The following GLI2 variants were observed in gnomAD, a reference collection of about 807,000 sequenced individuals.
GLI2 encodes the protein GLI family zinc finger 2.
Under a neutral mutation model 78.9 loss-of-function variants are expected in GLI2, and 22 were observed. That is an observed-to-expected ratio of 0.28 (90% CI 0.20 to 0.40). The LOEUF is 0.40. Ranked by LOEUF, GLI2 falls within the 10% of genes least tolerant of loss-of-function variation. GLI2 has a pLI of 1.00. For synonymous variants in GLI2, 974 were observed against 963.7 expected, an observed-to-expected ratio of 1.01 and a Z score of -0.20; for missense variants, 2,097 against 2,213.2, an observed-to-expected ratio of 0.95 and a Z score of 1.05.
At chr2:120,973,438 G>A (rs1349117851) in intron 8 of GLI2, among the ~76,000 whole-genome samples, 1 of 152,228 alleles carries the variant, frequency 6.6e-6, no homozygotes, top group Non-Finnish European at 1.5e-5. Context: ...TGCCCAGCCT[G>A]GCTCTGCGCA....
At chr2:120,982,096 C>G (rs912529404) in intron 10 of GLI2, among the ~76,000 whole-genome samples, 12 of 152,070 alleles carry the variant, frequency 7.9e-5, no homozygotes, top group Admixed American at 6.6e-4. Context: ...GAGGGAGGGA[C>G]CTGGGCCAGG....
intron 2 of GLI2, among the ~76,000 whole-genome samples, chr2:120,826,651 G>A (rs1324744194): frequency 2.0e-5 from 3 of 152,216 alleles, no homozygotes; most frequent in Non-Finnish European, 4.4e-5. Flanking sequence ...ACAGATTAGG[G>A]ACCTGAGTTT....
intron 3 of GLI2, among the ~76,000 whole-genome samples, chr2:120,929,014 C>T (rs955776611): frequency 5.3e-5 from 8 of 152,150 alleles, no homozygotes; most frequent in Non-Finnish European, 1.2e-4. Flanking sequence ...ACTCCTTCGT[C>T]ATCTCCTGTC....
intron 1 of GLI2, among the ~76,000 whole-genome samples, chr2:120,754,581 C>T (rs958985874): frequency 2.0e-5 from 3 of 152,156 alleles, no homozygotes; most frequent in Admixed American, 1.3e-4. Flanking sequence ...ATCCATGTTG[C>T]TGCACGTATC....
At chr2:120,785,062 C>T (rs1321343498) in intron 1 of GLI2, among the ~76,000 whole-genome samples, 1 of 152,226 alleles carries the variant, frequency 6.6e-6, no homozygotes, top group Admixed American at 6.5e-5. Context: ...TGGTCAAACC[C>T]TCCTGGCCTC....
chr2:120,787,501 G>A (rs1573377822), intron 1 of GLI2, among the ~76,000 whole-genome samples: 1 of 152,154 alleles, frequency 6.6e-6, no homozygotes, highest in South Asian at 2.1e-4. Flanking sequence ...CCAGGCTACT[G>A]GGGTCTGTTT....
At chr2:120,833,601 G>A (rs896722804) in intron 2 of GLI2, among the ~76,000 whole-genome samples, 1 of 152,118 alleles carries the variant, frequency 6.6e-6, no homozygotes, top group Non-Finnish European at 1.5e-5. Context: ...CCCCTCAAAT[G>A]TGCAGCTACC....
At chr2:120,820,855 C>T (rs1011078828) in intron 2 of GLI2, among the ~76,000 whole-genome samples, 1 of 152,156 alleles carries the variant, frequency 6.6e-6, no homozygotes, top group African/African-American at 2.4e-5. Context: ...TTTCTCTATG[C>T]CACTTGGGGT....
chr2:120,790,816 T>G (rs1215359197), intron 1 of GLI2, among the ~76,000 whole-genome samples: 2 of 152,136 alleles, frequency 1.3e-5, no homozygotes, highest in Admixed American at 6.5e-5. Context: ...TGGTGCTGCC[T>G]AGGCCTCAGA....
chr2:120,842,648 A>G (rs17005295), intron 2 of GLI2, among the ~76,000 whole-genome samples: 33,575 of 152,224 alleles, frequency 0.22, 4,618 homozygotes, highest in African/African-American at 0.38. Flanking sequence ...CCTCCATAGC[A>G]AGGCTGCCCC....
At chr2:120,799,814 A>G (rs1271942895) in intron 2 of GLI2, among the ~76,000 whole-genome samples, 2 of 152,214 alleles carry the variant, frequency 1.3e-5, no homozygotes, top group South Asian at 2.1e-4. Context: ...CCAAAGAGCC[A>G]TGGATGTGGG....
intron 1 of GLI2, among the ~76,000 whole-genome samples, chr2:120,773,211 C>T (rs990971096): frequency 3.3e-5 from 5 of 152,106 alleles, no homozygotes; most frequent in Admixed American, 3.3e-4. Context: ...CTTTGTTAAG[C>T]TCTGAATAAG....
At chr2:120,976,150 G>A (rs1266857188) in intron 9 of GLI2, among the ~76,000 whole-genome samples, 2 of 152,152 alleles carry the variant, frequency 1.3e-5, no homozygotes, top group African/African-American at 4.8e-5. Context: ...TTAGTAGCTC[G>A]ATTGCTGGGA....
chr2:120,975,612 G>A (rs781355797), intron 9 of GLI2, among the ~76,000 whole-genome samples: 16 of 152,118 alleles, frequency 1.1e-4, no homozygotes, highest in African/African-American at 3.4e-4. Context: ...GCAGGTGGGC[G>A]TCTACACCCA....
intron 1 of GLI2, among the ~76,000 whole-genome samples, chr2:120,778,174 A>G (rs1446200839): frequency 2.0e-5 from 3 of 152,150 alleles, no homozygotes; most frequent in South Asian, 2.1e-4. Flanking sequence ...TAGCCCCCAC[A>G]GATGATGGCC....
intron 3 of GLI2, among the ~76,000 whole-genome samples, chr2:120,944,866 G>T (rs1680631971): frequency 6.6e-6 from 1 of 152,260 alleles, no homozygotes; most frequent in African/African-American, 2.4e-5. Flanking sequence ...TGACGACTTT[G>T]TCAGCAGCAG....
At chr2:120,960,137 G>T (rs114485774) in intron 5 of GLI2, among the ~76,000 whole-genome samples, 1 of 152,184 alleles carries the variant, frequency 6.6e-6, no homozygotes, top group Non-Finnish European at 1.5e-5. Flanking sequence ...GTCTAGGGAC[G>T]CAACGCATCA....
At chr2:120,860,798 A>G (rs942718770) in intron 2 of GLI2, among the ~76,000 whole-genome samples, 6 of 152,184 alleles carry the variant, frequency 3.9e-5, no homozygotes, top group African/African-American at 1.4e-4. Flanking sequence ...GCCCAGGTAC[A>G]AGACACATGG....
chr2:120,980,211 GT>G lies in GLI2; in HGVS notation c.1467+1632del, dbSNP rs551633762. On this transcript the variant is annotated intron_variant, in intron 10 of 13. Transcript: ENST00000361492. Reference sequence around the variant, plus strand: ...ATGGCAGTTGAGGAACTGCTAGTCTGTTTTCCAAAAACGCTGCTCCATTTTA... The same window carrying G: ...ATGGCAGTTGAGGAACTGCTAGTCTGTTTCCAAAAACGCTGCTCCATTTTA... 9.8e-5 allele frequency among the ~76,000 whole-genome samples: 15 copies of G among 152,292 alleles called. No homozygotes were observed. The East Asian group carries it at 2.9e-3, about 29-fold the overall frequency.
Sources: gnomAD v4.1 joint callset for allele counts (sites outside exome capture counted in the v4.1 genomes callset) on GRCh38, gnomAD v4.1.1 for gene constraint, MANE v1.5 for transcripts, NCBI Gene and HGNC (gene_info 2026-07-23, HGNC 2026-07-21) for gene names.